CNTNAP5: variants seen among roughly 807,000 people sequenced by gnomAD.
The protein encoded by CNTNAP5 is contactin associated protein family member 5, also known as contactin-associated protein-like 5.
In CNTNAP5, 72 loss-of-function variants were observed where a neutral mutation model predicts 150.2. The ratio of observed to expected loss-of-function variants is 0.48; its 90% CI spans 0.40 to 0.58. The LOEUF is 0.58. Ranked by LOEUF, CNTNAP5 falls within the 20% of genes least tolerant of loss-of-function variation. The pLI is 0.00. For missense variants in CNTNAP5, 1,636 were observed against 1,626.2 expected (o/e 1.01, Z -0.10); for synonymous variants, 672 against 619.8 (o/e 1.08, Z -1.25).
chr2:124,862,755 G>A (rs1443633442), intron 19 of CNTNAP5, among the ~76,000 whole-genome samples: 1 of 152,144 alleles, frequency 6.6e-6, no homozygotes, highest in East Asian at 1.9e-4. Flanking sequence ...CCTTTCATGG[G>A]GTCAAACTTA....
At chr2:124,271,624 T>C (rs995808237) in intron 3 of CNTNAP5, among the ~76,000 whole-genome samples, 2 of 152,030 alleles carry the variant, frequency 1.3e-5, no homozygotes, top group Non-Finnish European at 2.9e-5. Context: ...TTGGAAAAGA[T>C]ACAGCTTTAA....
chr2:124,188,413 A>G, intron 1 of CNTNAP5, among the ~76,000 whole-genome samples: 1 of 152,124 alleles, frequency 6.6e-6, no homozygotes, highest in East Asian at 1.9e-4. Context: ...TCTATTTATA[A>G]AAGAAGGAAC....
intron 5 of CNTNAP5, among the ~76,000 whole-genome samples, chr2:124,444,153 C>A (rs79837492): frequency 6.6e-6 from 1 of 151,956 alleles, no homozygotes; most frequent in Non-Finnish European, 1.5e-5. Flanking sequence ...CTCCTGCCAA[C>A]GCCTCATAAT....
intron 12 of CNTNAP5, among the ~76,000 whole-genome samples, chr2:124,621,099 T>C (rs1677605369): frequency 6.6e-6 from 1 of 152,218 alleles, no homozygotes; most frequent in Non-Finnish European, 1.5e-5. Context: ...AACTTGACAT[T>C]AAACTGATTC....
intron 3 of CNTNAP5, among the ~76,000 whole-genome samples, chr2:124,338,475 T>C (rs2104688862): frequency 6.6e-6 from 1 of 152,252 alleles, no homozygotes; most frequent in African/African-American, 2.4e-5. Context: ...TTTGTTATTT[T>C]AACCTCAGTT....
At chr2:124,206,401 G>A (rs1335672108) in intron 1 of CNTNAP5, among the ~76,000 whole-genome samples, 1 of 152,154 alleles carries the variant, frequency 6.6e-6, no homozygotes, top group East Asian at 1.9e-4. Flanking sequence ...GACATTTTGT[G>A]ATGCAAAGGG....
intron 1 of CNTNAP5, among the ~76,000 whole-genome samples, chr2:124,192,659 C>T (rs1464352543): frequency 6.6e-6 from 1 of 152,152 alleles, no homozygotes; most frequent in Non-Finnish European, 1.5e-5. Context: ...AGTTGTCTCG[C>T]TGAAAATCTC....
At chr2:124,440,001 C>G (rs1692634753) in intron 5 of CNTNAP5, among the ~76,000 whole-genome samples, 1 of 152,074 alleles carries the variant, frequency 6.6e-6, no homozygotes. Context: ...ATGAGAGTAT[C>G]CATTTTTCCA....
Position 124,920,762 on chromosome 2 carries a change from T to C in CNTNAP5, c.*6474T>C, listed in dbSNP as rs1423661569. Among the ~76,000 whole-genome samples the C allele has an allele frequency of 6.6e-6, 1 of 152,164 alleles. No homozygotes were observed. The highest frequency in any genetic ancestry group is 1.5e-5 in the Non-Finnish European group (1 of 68,006). ...TCATAGGTTACGGTTTGCTGATTCC[T>C]AAGATAGAGCATTACAGTGTCTGTT... On this transcript the variant is annotated 3_prime_UTR_variant, in exon 24 of 24. Coordinates refer to ENST00000682447, the MANE Select transcript of CNTNAP5 (RefSeq NM_001367498.1).
chr2:124,632,754 G>A (rs1030895870), intron 12 of CNTNAP5, among the ~76,000 whole-genome samples: 5 of 151,968 alleles, frequency 3.3e-5, no homozygotes, highest in African/African-American at 1.2e-4. Context: ...CTGAGACTGG[G>A]TAATTTATTT....
intron 3 of CNTNAP5, among the ~76,000 whole-genome samples, chr2:124,363,104 C>G (rs1375831028): frequency 4.6e-5 from 7 of 152,160 alleles, no homozygotes; most frequent in Non-Finnish European, 1.0e-4. Flanking sequence ...TATGAAGGCA[C>G]TATGATGTTT....
chr2:124,726,650 G>A (rs1483930758), intron 13 of CNTNAP5, among the ~76,000 whole-genome samples: 1 of 150,224 alleles, frequency 6.7e-6, no homozygotes, highest in Non-Finnish European at 1.5e-5. Context: ...TCAAAAAAAA[G>A]TCTATTCATT....
intron 1 of CNTNAP5, among the ~76,000 whole-genome samples, chr2:124,123,278 C>G (rs1304750486): frequency 6.6e-6 from 1 of 152,150 alleles, no homozygotes; most frequent in Non-Finnish European, 1.5e-5. Context: ...CGGAGGGTCC[C>G]ACGCCCACGG....
intron 19 of CNTNAP5, among the ~76,000 whole-genome samples, chr2:124,827,673 T>C (rs1468627989): frequency 6.6e-6 from 1 of 152,148 alleles, no homozygotes; most frequent in Non-Finnish European, 1.5e-5. Flanking sequence ...ATACTACTAG[T>C]TCAGTGTTTG....
intron 3 of CNTNAP5, among the ~76,000 whole-genome samples, chr2:124,280,308 C>T (rs995323101): frequency 9.2e-5 from 14 of 151,940 alleles, no homozygotes; most frequent in African/African-American, 3.1e-4. Flanking sequence ...GCTGAGATTA[C>T]AGGCGCCCAT....
rs17011825 is a variant in CNTNAP5 at position 124,651,115 on chromosome 2, A to G, written c.2077+3157A>G. Among the ~76,000 whole-genome samples the G allele has an allele frequency of 4.8e-3, 725 of 152,326 alleles. 18 individuals are homozygous for G. In the East Asian group the frequency reaches 0.059, roughly 12 times the overall value. ...ATCTTCCTTCAACTTTGGTAATGTG[A>G]TAAGTGCAAAGGTGGGGAGTCAAAG... On this transcript the variant is annotated intron_variant, in intron 13 of 23. Transcript: ENST00000682447.
At chr2:124,271,074 T>A (rs939684273) in intron 3 of CNTNAP5, among the ~76,000 whole-genome samples, 1 of 151,874 alleles carries the variant, frequency 6.6e-6, no homozygotes, top group Non-Finnish European at 1.5e-5. Flanking sequence ...TCGTGAGCAA[T>A]CTCCTACTGT....
chr2:124,227,700 A>C (rs1241382898), intron 2 of CNTNAP5, among the ~76,000 whole-genome samples: 1 of 149,364 alleles, frequency 6.7e-6, no homozygotes, highest in Non-Finnish European at 1.5e-5. Flanking sequence ...TTAAGGCAGG[A>C]ACCAGTAAAA....
chr2:124,655,661 G>T (rs552421044), intron 13 of CNTNAP5, among the ~76,000 whole-genome samples: 4 of 151,754 alleles, frequency 2.6e-5, no homozygotes, highest in African/African-American at 7.3e-5. Context: ...GTTTTGAGAC[G>T]CCGAGGTGGG....
Sources: allele counts gnomAD v4.1 joint callset (sites outside exome capture counted in the v4.1 genomes callset), GRCh38; gene constraint gnomAD v4.1.1; transcripts MANE v1.5; gene names NCBI Gene and HGNC (gene_info 2026-07-23, HGNC 2026-07-21).